Variants in PRKCA observed in about 807,000 individuals in gnomAD.
PRKCA encodes the protein protein kinase C alpha type.
A neutral mutation model predicts 87.0 loss-of-function variants in PRKCA; 27 were observed. The observed-to-expected ratio is 0.31, with a 90% confidence interval of 0.23 to 0.43. The LOEUF (loss-of-function observed/expected upper bound fraction) is 0.43. Ranked by LOEUF, PRKCA falls within the 20% of genes least tolerant of loss-of-function variation. PRKCA has a pLI of 1.00. For synonymous variants in PRKCA, 329 were observed against 311.1 expected (o/e 1.06, Z -0.61); for missense variants, 518 against 852.3 (o/e 0.61, Z 4.88).
intron 2 of PRKCA, among the ~76,000 whole-genome samples, chr17:66,439,768 T>C (rs1304374811): frequency 6.6e-6 from 1 of 152,222 alleles, no homozygotes; most frequent in Non-Finnish European, 1.5e-5. Flanking sequence ...ATGTTCGTTT[T>C]GGCAAGAAGC....
chr17:66,791,639 T>G (rs1019933972), intron 16 of PRKCA, among the ~76,000 whole-genome samples: 5 of 152,194 alleles, frequency 3.3e-5, no homozygotes, highest in African/African-American at 1.2e-4. Context: ...CAGCATGTCA[T>G]GCAAGGGCTG....
In PRKCA at chr17:66,807,056, A is replaced by G. The variant is rs1598025018; in HGVS notation, c.*3019A>G. 6.6e-6 allele frequency: 1 copy of G among 152,334 alleles called. No individual in the cohort carries two copies. The highest frequency in any genetic ancestry group is 2.1e-4 in the South Asian group (1 of 4,830). 9.4% of individuals were successfully genotyped at this position (152,334 alleles called of 1,614,324 possible). ...CCTCAGAATCAGTTCATAAAATTCT[A>G]TGGTACTGGCCCCTTCGTGGGTATT... is the stretch of plus-strand genomic sequence containing the variant. On this transcript the variant is annotated 3_prime_UTR_variant, in exon 17 of 17. Transcript: ENST00000413366. This position sits in a 1 kb window ranked among gnomAD's most constrained non-coding sequence, Gnocchi z 4.3.
chr17:66,720,199 G>C (rs532135449), intron 8 of PRKCA, among the ~76,000 whole-genome samples: 2 of 152,354 alleles, frequency 1.3e-5, no homozygotes, highest in Non-Finnish European at 2.9e-5. Flanking sequence ...CGGGGCTAAA[G>C]CATCCTTTGA....
chr17:66,489,368 T>TGC (rs1916124266), intron 2 of PRKCA, among the ~76,000 whole-genome samples: 1 of 84,074 alleles, frequency 1.2e-5, no homozygotes, highest in Non-Finnish European at 2.5e-5. Context: ...TATATATATA[T>TGC]ATATATATAT....
At chr17:66,466,841 G>T (rs576204459) in intron 2 of PRKCA, among the ~76,000 whole-genome samples, 1 of 151,616 alleles carries the variant, frequency 6.6e-6, no homozygotes, top group Non-Finnish European at 1.5e-5. Context: ...GGAAGTCCAC[G>T]TGGATGTTTG....
In PRKCA at chr17:66,786,891, G is replaced by A. The variant is rs989781281; in HGVS notation, c.1630G>A (p.Asp544Asn). 1.2e-6 allele frequency: 2 copies of A among 1,613,996 alleles called. No homozygotes were observed. Among genetic ancestry groups the A allele is most frequent in the African/African-American group, 2.7e-5 (2 of 74,920 alleles). ...GQPPFDGEDEDELFQSIMEHN... is the reference protein window; with the variant it reads ...GQPPFDGEDENELFQSIMEHN... Reference sequence around the variant, plus strand: ...GCCTCCATTTGATGGTGAAGATGAAGACGAGCTATTTCAGTCTATCATGGA... The same window carrying A: ...GCCTCCATTTGATGGTGAAGATGAAAACGAGCTATTTCAGTCTATCATGGA... Residue 544 changes from aspartate (D) to asparagine (N), a missense_variant, in exon 15 of 17, where the codon GAC (aspartate) becomes AAC (asparagine). By Grantham distance (23) the Asp-to-Asn change is conservative. This residue lies in a region of PRKCA where 159 missense variants were observed against 232.4 expected (regional missense o/e 0.68). Coordinates refer to ENST00000413366, the MANE Select transcript of PRKCA (RefSeq NM_002737.3).
chr17:66,630,508 T>C (rs1385224904), intron 3 of PRKCA, among the ~76,000 whole-genome samples: 2 of 152,246 alleles, frequency 1.3e-5, no homozygotes, highest in East Asian at 3.8e-4. Flanking sequence ...CAAGAAGCAT[T>C]GACAGACTGT....
chr17:66,531,510 T>G (rs1967540122), intron 3 of PRKCA, among the ~76,000 whole-genome samples: 1 of 152,178 alleles, frequency 6.6e-6, no homozygotes, highest in Non-Finnish European at 1.5e-5. Flanking sequence ...TATTTTCACC[T>G]GTGGATGTAG....
In PRKCA at chr17:66,637,137, C is replaced by T. The variant is rs549447489; in HGVS notation, c.289-4218C>T. On this transcript the variant is annotated intron_variant, in intron 3 of 16. Coordinates refer to ENST00000413366, the MANE Select transcript of PRKCA (RefSeq NM_002737.3). The stretch of plus-strand genomic sequence containing the variant: ...ACCTGAAGGTGCCATATGGCTGTTG[C>T]GTGAGTAAGCCTTAGGTTTTCCTGA... Among the ~76,000 whole-genome samples, 8 of 152,052 alleles carry T rather than the reference C, an allele frequency of 5.3e-5. 1 individual carries two copies. The highest frequency in any genetic ancestry group is 6.6e-5 in the Admixed American group (1 of 15,266).
intron 3 of PRKCA, chr17:66,554,555 T>C (rs1968439173): frequency 2.1e-6 from 2 of 964,308 alleles, no homozygotes; most frequent in Non-Finnish European, 2.5e-6. Flanking sequence ...CCTCTACCTT[T>C]TGAGATCCTA....
At position 66,741,726 on chromosome 17, in the gene PRKCA, G is replaced by C; in HGVS notation, c.1385+5G>C. On this transcript the variant is annotated splice_donor_5th_base_variant and intron_variant, in intron 12 of 16. Transcript: ENST00000413366. ...TAAAAGAGGAATCATTTATAGGTGT[G>C]TATTGAAGCCCTCCTACCAGCAGCT... The C allele has an allele frequency of 6.2e-7, 1 of 1,613,838 alleles. No homozygotes were observed. The highest frequency in any genetic ancestry group is 1.3e-5 in the African/African-American group (1 of 75,022).
chr17:66,715,573 ACAACTGTTTGG>A (rs1973452897), intron 8 of PRKCA, among the ~76,000 whole-genome samples: 1 of 152,214 alleles, frequency 6.6e-6, no homozygotes. Context: ...AGAAAGGCCT[ACAACTGTTTGG>A]ATCTTTGTTT....
At chr17:66,586,983 T>C (rs916306803) in intron 3 of PRKCA, among the ~76,000 whole-genome samples, 1 of 152,144 alleles carries the variant, frequency 6.6e-6, no homozygotes, top group Non-Finnish European at 1.5e-5. Context: ...ATTGCCGCCA[T>C]GTTGCTCCTA....
chr17:66,742,874 C>T (rs570879949), intron 13 of PRKCA, 114 bp downstream of exon 13: 58 of 1,123,638 alleles, frequency 5.2e-5, no homozygotes, highest in Non-Finnish European at 7.0e-5. Context: ...GTCACAGCCA[C>T]TAAATGGACT....
At chr17:66,459,698 C>T (rs59060141) in intron 2 of PRKCA, among the ~76,000 whole-genome samples, 3 of 152,226 alleles carry the variant, frequency 2.0e-5, no homozygotes, top group South Asian at 2.1e-4. Context: ...TTCTCTTTAT[C>T]GTTACTGTGT....
intron 2 of PRKCA, among the ~76,000 whole-genome samples, chr17:66,330,989 A>G (rs1300864997): frequency 1.3e-5 from 2 of 152,176 alleles, no homozygotes; most frequent in Non-Finnish European, 2.9e-5. Context: ...TATACTTTTA[A>G]TCTCTGGAGC....
chr17:66,671,093 C>A (rs930524449), intron 5 of PRKCA, among the ~76,000 whole-genome samples: 3 of 150,114 alleles, frequency 2.0e-5, no homozygotes, highest in Admixed American at 1.3e-4. Flanking sequence ...CGCCTGTAAT[C>A]CCAGCTACTT....
chr17:66,745,731 A>G (rs1974263952), intron 13 of PRKCA, among the ~76,000 whole-genome samples: 2 of 152,156 alleles, frequency 1.3e-5, no homozygotes, highest in Admixed American at 6.6e-5. Context: ...TTTAATCCTC[A>G]TGACAAGCCC....
chr17:66,507,413 A>G (rs1174305824), intron 3 of PRKCA, among the ~76,000 whole-genome samples: 1 of 152,212 alleles, frequency 6.6e-6, no homozygotes, highest in African/African-American at 2.4e-5. Context: ...CAGCAAAGCT[A>G]ACTTAGGGGC....
Sources: allele counts gnomAD v4.1 joint callset (sites outside exome capture counted in the v4.1 genomes callset), GRCh38; gene constraint gnomAD v4.1.1; regional missense constraint gnomAD v4.1.1; non-coding constraint Gnocchi (gnomAD v3.1); transcripts MANE v1.5; gene names NCBI Gene and HGNC (gene_info 2026-07-23, HGNC 2026-07-21).